The following CUX1 variants were observed in gnomAD, a reference collection of about 807,000 sequenced individuals.
The protein encoded by CUX1 is protein CASP.
CUX1 carries 31 observed loss-of-function variants against 158.8 expected under a neutral mutation model. The observed-to-expected ratio is 0.20, with a 90% CI of 0.15 to 0.26. The LOEUF (loss-of-function observed/expected upper bound fraction) is 0.26, where lower values mean the gene tolerates loss of function less well. Ranked by LOEUF, CUX1 falls within the 10% of genes least tolerant of loss-of-function variation. CUX1 has a pLI of 1.00. For synonymous variants in CUX1, 879 were observed against 862.1 expected, an observed-to-expected ratio of 1.02 and a Z score of -0.34; for missense variants, 1,589 against 2,014.6, an observed-to-expected ratio of 0.79 and a Z score of 4.04.
intron 2 of CUX1, among the ~76,000 whole-genome samples, chr7:101,955,209 G>C (rs1456647799): frequency 6.6e-6 from 1 of 151,562 alleles, no homozygotes; most frequent in African/African-American, 2.4e-5. Context: ...AGGATGATTT[G>C]TGTTCCGCTC....
intron 4 of CUX1, among the ~76,000 whole-genome samples, chr7:102,081,706 C>T (rs1344010541): frequency 2.7e-5 from 4 of 146,480 alleles, no homozygotes; most frequent in Admixed American, 6.9e-5. Flanking sequence ...AATCTTGGCT[C>T]GCTGCAACCT....
At chr7:102,124,173 G>A (rs1832362664) in intron 8 of CUX1, among the ~76,000 whole-genome samples, 1 of 152,200 alleles carries the variant, frequency 6.6e-6, no homozygotes, top group Admixed American at 6.5e-5. Flanking sequence ...TGAATACAGT[G>A]TATAGATTGT....
At chr7:102,204,931 T>C (rs914801480) in intron 19 of CUX1, among the ~76,000 whole-genome samples, 183 bp from the exon 20 acceptor site, 1 of 152,172 alleles carries the variant, frequency 6.6e-6, no homozygotes, top group African/African-American at 2.4e-5. Context: ...GCGAAACCTT[T>C]CACCTGCTCC....
chr7:101,909,288 C>T (rs926966830), intron 1 of CUX1, among the ~76,000 whole-genome samples: 5 of 151,500 alleles, frequency 3.3e-5, no homozygotes, highest in Non-Finnish European at 7.4e-5. Context: ...TCTCTTGAGG[C>T]CAGGAGTCCA....
rs566619586 is a variant in CUX1 at position 102,250,527 on chromosome 7, C to A, written c.*1485C>A. On this transcript the variant is annotated 3_prime_UTR_variant, in exon 24 of 24. Coordinates refer to ENST00000292535, the MANE Select transcript of CUX1 (RefSeq NM_181552.4). ...ACCCTGTTGAACTCGTGGGAAACTT[C>A]CTTTCTCTGCAGGAGAGAGAACGTG... The A allele has an allele frequency of 5.5e-5, 54 of 985,350 alleles. No homozygotes were observed. Among genetic ancestry groups the A allele is most frequent in the Non-Finnish European group, 6.3e-5 (52 of 829,958 alleles). 61.0% of individuals were successfully genotyped at this position (985,350 alleles called of 1,614,324 possible).
intron 1 of CUX1, among the ~76,000 whole-genome samples, chr7:101,862,125 G>GTA (rs1287721686): frequency 6.6e-6 from 1 of 152,180 alleles, no homozygotes; most frequent in East Asian, 1.9e-4. Flanking sequence ...ATGAGCCACT[G>GTA]TGCCCGGCCA....
In CUX1 at chr7:102,231,115, C is replaced by T. The variant is rs1339985283; in HGVS notation, c.3434-2937C>T. Among the ~76,000 whole-genome samples the T allele has an allele frequency of 3.3e-5, 5 of 150,874 alleles. 1 individual carries two copies. The highest frequency in any genetic ancestry group is 2.6e-4 in the Admixed American group (4 of 15,098). On this transcript the variant is annotated intron_variant, in intron 21 of 23. Coordinates refer to ENST00000292535, the MANE Select transcript of CUX1 (RefSeq NM_181552.4). ...CGCGATCTCGGCTTACTGCAATCTC[C>T]GCCTCCCAGGTTCACGCCATTCTCC... is the stretch of plus-strand genomic sequence containing the variant.
chr7:102,102,423 C>A (rs1399526878), intron 5 of CUX1, among the ~76,000 whole-genome samples: 32 of 74,990 alleles, frequency 4.3e-4, no homozygotes, highest in South Asian at 1.2e-3. Context: ...GACTCCGCCT[C>A]AAAAAAAAAA....
intron 22 of CUX1, 67 bp from the exon 23 acceptor site, chr7:102,239,253 G>A (rs1173489423): frequency 9.8e-6 from 15 of 1,526,226 alleles, no homozygotes; most frequent in Admixed American, 4.0e-5. Context: ...TCCCGCTAGC[G>A]GGACTGGGGA....
At chr7:102,062,141 C>T (rs1472264235) in intron 3 of CUX1, among the ~76,000 whole-genome samples, 1 of 152,150 alleles carries the variant, frequency 6.6e-6, no homozygotes, top group African/African-American at 2.4e-5. Context: ...GATAAGACAC[C>T]ATCACTTACA....
chr7:102,048,244 ATCTT>A (rs1823049319), intron 3 of CUX1, among the ~76,000 whole-genome samples: 1 of 152,046 alleles, frequency 6.6e-6, no homozygotes, highest in Admixed American at 6.6e-5. Flanking sequence ...CTGTCCTGAA[ATCTT>A]TGGCTCCCTT....
Position 101,924,989 on chromosome 7 carries a change from C to T in CUX1, c.141+8764C>T, listed in dbSNP as rs191231863. Reference sequence around the variant, plus strand: ...TCTGTTATCAACAAATCTTGTTTTACTCCTCATTAGACCCTAAAACCACTG... The same window carrying T: ...TCTGTTATCAACAAATCTTGTTTTATTCCTCATTAGACCCTAAAACCACTG... On this transcript the variant is annotated intron_variant, in intron 2 of 23. Transcript: ENST00000292535. Among the ~76,000 whole-genome samples the T allele has an allele frequency of 2.0e-5, 3 of 152,282 alleles. No individual in the cohort carries two copies. In the East Asian group the frequency reaches 5.8e-4, roughly 29 times the overall value.
intron 23 of CUX1, among the ~76,000 whole-genome samples, chr7:102,240,540 G>A (rs1586396828): frequency 6.6e-6 from 1 of 151,994 alleles, no homozygotes; most frequent in Admixed American, 6.6e-5. Flanking sequence ...TTATAGACAT[G>A]AGCCACCACA....
chr7:102,066,084 C>T (rs558987708), intron 3 of CUX1, among the ~76,000 whole-genome samples: 15 of 152,250 alleles, frequency 9.9e-5, no homozygotes, highest in East Asian at 1.9e-4. Flanking sequence ...CCACCACGCC[C>T]GGCTCAGTGG....
intron 1 of CUX1, among the ~76,000 whole-genome samples, chr7:101,836,985 A>G (rs151258493): frequency 2.7e-3 from 412 of 152,304 alleles, no homozygotes; most frequent in African/African-American, 9.5e-3. Context: ...GTGGCCTGGG[A>G]AAGTCAAATT....
At chr7:102,280,621 A>G (rs1448265023) in intron 19 of CUX1, among the ~76,000 whole-genome samples, 3 of 152,076 alleles carry the variant, frequency 2.0e-5, no homozygotes, top group Non-Finnish European at 4.4e-5. Context: ...AGGGGAGTCC[A>G]GAATGTCACA....
intron 9 of CUX1, among the ~76,000 whole-genome samples, chr7:102,168,885 TTTC>T (rs1791356125): frequency 1.7e-5 from 2 of 116,842 alleles, no homozygotes; most frequent in South Asian, 2.6e-4. Context: ...TGGCCAGGCT[TTTC>T]TTTTCTTTTC....
intron 9 of CUX1, among the ~76,000 whole-genome samples, chr7:102,164,900 A>G (rs1790837372): frequency 6.6e-6 from 1 of 152,040 alleles, no homozygotes; most frequent in Non-Finnish European, 1.5e-5. Flanking sequence ...TGGGGCCAAG[A>G]AGGGGGTGGA....
At chr7:101,890,288 A>C (rs1800738156) in intron 1 of CUX1, among the ~76,000 whole-genome samples, 1 of 152,074 alleles carries the variant, frequency 6.6e-6, no homozygotes, top group African/African-American at 2.4e-5. Context: ...CCAAACCGGC[A>C]CAGTGGGATG....
Sources: allele counts gnomAD v4.1 joint callset (sites outside exome capture counted in the v4.1 genomes callset), GRCh38; gene constraint gnomAD v4.1.1; transcripts MANE v1.5; gene names NCBI Gene and HGNC (gene_info 2026-07-23, HGNC 2026-07-21).